Variants in ANKRD52 observed in about 807,000 individuals in gnomAD.
The protein encoded by ANKRD52 is serine/threonine-protein phosphatase 6 regulatory ankyrin repeat subunit C.
A neutral mutation model predicts 116.0 loss-of-function variants in ANKRD52; 7 were observed. That is an observed-to-expected ratio of 0.06 (90% CI 0.03 to 0.11). The LOEUF (loss-of-function observed/expected upper bound fraction) is 0.11. ANKRD52 is among the 10% of genes least tolerant of loss of function. The pLI is 1.00. For missense variants in ANKRD52, 839 were observed against 1,408.6 expected (o/e 0.60, Z 6.47); for synonymous variants, 528 against 578.1 (o/e 0.91, Z 1.24).
At chr12:56,256,208 G>T (rs906622970) in intron 4 of ANKRD52, among the ~76,000 whole-genome samples, 5 of 152,092 alleles carry the variant, frequency 3.3e-5, no homozygotes, top group Non-Finnish European at 7.4e-5. Flanking sequence ...AGGACCCTTT[G>T]CTCTTCTTCA....
Position 56,250,153 on chromosome 12 carries a change from C to T in ANKRD52, c.1593-1283G>A, listed in dbSNP as rs369079187. Among the ~76,000 whole-genome samples, 25 of 152,042 alleles carry T rather than the reference C, an allele frequency of 1.6e-4. No individual in the cohort carries two copies. The South Asian group carries it at 5.0e-3, about 30-fold the overall frequency. On this transcript the variant is annotated intron_variant, in intron 15 of 27. Coordinates refer to ENST00000267116, the MANE Select transcript of ANKRD52 (RefSeq NM_173595.4). Reference sequence around the variant, plus strand: ...TAGAGGTTGCAGTGAGCTGAGATCGCGCAACTGCACTAGAGCCTGGGTGAC... The same window carrying T: ...TAGAGGTTGCAGTGAGCTGAGATCGTGCAACTGCACTAGAGCCTGGGTGAC...
At chr12:56,247,103 G>T (rs1021911807) in intron 20 of ANKRD52, among the ~76,000 whole-genome samples, 1 of 151,342 alleles carries the variant, frequency 6.6e-6, no homozygotes, top group Non-Finnish European at 1.5e-5. Flanking sequence ...CCAGCACTTC[G>T]GGAGGCCAAG....
chr12:56,241,845 T>A lies in ANKRD52; in HGVS notation c.*1297A>T. On this transcript the variant is annotated 3_prime_UTR_variant, in exon 28 of 28. Transcript: ENST00000267116. ...CCTCTTCACTCCAGCCCAGTTTGGCTTTTGGGGTGCGACTTTAGAAATCTT... is the reference window on the plus strand; with the variant it reads ...CCTCTTCACTCCAGCCCAGTTTGGCATTTGGGGTGCGACTTTAGAAATCTT... The A allele has an allele frequency of 2.5e-6, 1 of 397,244 alleles. No individual in the cohort carries two copies. Among genetic ancestry groups the A allele is most frequent in the Non-Finnish European group, 4.4e-6 (1 of 225,750 alleles). 24.6% of individuals were successfully genotyped at this position (397,244 alleles called of 1,614,324 possible). A position where few individuals can be genotyped will look rare whatever the true frequency, so the allele number is the denominator to read the frequency against.
intron 1 of ANKRD52, 21 bp downstream of exon 1, chr12:56,258,222 G>A: frequency 6.3e-7 from 1 of 1,598,970 alleles, no homozygotes; most frequent in Non-Finnish European, 8.5e-7. Context: ...GGAGGAAGCG[G>A]GAAAGGGCAG....
At position 56,248,953 on chromosome 12, in the gene ANKRD52, C is replaced by A; in HGVS notation, c.1593-83G>T. The A allele has an allele frequency of 1.0e-6, 1 of 988,510 alleles. No individual in the cohort carries two copies. The highest frequency in any genetic ancestry group is 1.5e-6 in the Non-Finnish European group (1 of 678,708). The allele number at this position is 988,510 out of a possible 1,614,324, so 61.2% of individuals were successfully genotyped here. ...TTCTGGGAGGGCCAGAGGAGAGGAC[C>A]AAGGCCCTCCAGGCCTACCTGGCCG... On this transcript the variant is annotated intron_variant, in intron 15 of 27. Coordinates refer to ENST00000267116, the MANE Select transcript of ANKRD52 (RefSeq NM_173595.4). The surrounding 1 kb of genome is among the most constrained non-coding windows in gnomAD (Gnocchi z 5.1).
intron 2 of ANKRD52, among the ~76,000 whole-genome samples, chr12:56,257,562 C>T (rs1243333674): frequency 1.3e-5 from 2 of 152,090 alleles, no homozygotes; most frequent in Non-Finnish European, 2.9e-5. Flanking sequence ...GAAGCCGGCT[C>T]CTTTTTCCAG....
At chr12:56,251,279 C>T (rs985858226) in intron 15 of ANKRD52, among the ~76,000 whole-genome samples, 2 of 151,562 alleles carry the variant, frequency 1.3e-5, no homozygotes, top group African/African-American at 2.4e-5. Context: ...GAGTCTTGTT[C>T]GGTTGCCCAG....
intron 20 of ANKRD52, among the ~76,000 whole-genome samples, chr12:56,246,114 C>T (rs1189839329): frequency 6.6e-6 from 1 of 152,066 alleles, no homozygotes; most frequent in African/African-American, 2.4e-5. Context: ...ACTGCAACCT[C>T]TGCCTCCCAG....
chr12:56,251,921 T>G, intron 15 of ANKRD52, 94 bp downstream of exon 15: 2 of 1,357,464 alleles, frequency 1.5e-6, no homozygotes, highest in Non-Finnish European at 2.1e-6. Context: ...AGCAGCAGTA[T>G]AGGGTAGAGG....
In ANKRD52 at chr12:56,243,575, G is replaced by A. The variant is rs1167186329; in HGVS notation, c.2981-183C>T. Among the ~76,000 whole-genome samples the A allele has an allele frequency of 6.6e-6, 1 of 152,186 alleles. No homozygotes were observed. Among genetic ancestry groups the A allele is most frequent in the African/African-American group, 2.4e-5 (1 of 41,438 alleles). ...CAGATTCTCTAAGTACGGGTTAAAG[G>A]GCGGGCATGGGAGTCAAAGCCTAGG... On this transcript the variant is annotated intron_variant, in intron 27 of 27. Coordinates refer to ENST00000267116, the MANE Select transcript of ANKRD52 (RefSeq NM_173595.4). This position sits in a 1 kb window ranked among gnomAD's most constrained non-coding sequence, Gnocchi z 4.6.
chr12:56,245,761 C>A (rs942880131), intron 20 of ANKRD52, among the ~76,000 whole-genome samples, 165 bp from the exon 21 acceptor site: 1 of 142,774 alleles, frequency 7.0e-6, no homozygotes, highest in African/African-American at 2.6e-5. Context: ...GTCGCCCAGG[C>A]TGGAGTGCAG....
intron 2 of ANKRD52, 72 bp from the exon 3 acceptor site, chr12:56,257,433 T>C: frequency 3.8e-6 from 5 of 1,327,090 alleles, no homozygotes; most frequent in Non-Finnish European, 5.3e-6. Flanking sequence ...AGCCCAAGTC[T>C]CAGAGCTCCA....
Position 56,253,841 on chromosome 12 carries a change from C to T in ANKRD52, c.907-41G>A, listed in dbSNP as rs1283915626. On this transcript the variant is annotated intron_variant, in intron 8 of 27. Transcript: ENST00000267116. This position sits in a 1 kb window ranked among gnomAD's most constrained non-coding sequence, Gnocchi z 5.5. ...GGGTTTTTGTTTTTGTTTTTTTTTC[C>T]AGTGCAAAGCACAGAGAATGCCCTA... The T allele has an allele frequency of 1.9e-6, 3 of 1,590,134 alleles. No individual in the cohort carries two copies. Among genetic ancestry groups the T allele is most frequent in the East Asian group, 2.2e-5 (1 of 44,766 alleles).
chr12:56,237,993 G>C lies in ANKRD52; in HGVS notation c.*5149C>G. 5.7e-5 allele frequency: 16 copies of C among 280,650 alleles called. No homozygotes were observed. The highest frequency in any genetic ancestry group is 7.8e-5 in the Non-Finnish European group (12 of 152,924). The allele number at this position is 280,650 out of a possible 1,614,324, so 17.4% of individuals were successfully genotyped here. The stretch of plus-strand genomic sequence containing the variant: ...TCTGCGGGGAGAACATTGTGCTTTA[G>C]CCCAGGGAGGGGAGGGGTGGGGCAA... On this transcript the variant is annotated 3_prime_UTR_variant, in exon 28 of 28. Transcript: ENST00000267116.
chr12:56,244,028 A>G lies in ANKRD52; in HGVS notation c.2888+23T>C, dbSNP rs1871282609. ...CACCCACTGGCCTCCCCCAGCCAGG[A>G]GCCCCCTTCCCCAGGCACTCACATC... On this transcript the variant is annotated intron_variant, in intron 26 of 27. Coordinates refer to ENST00000267116, the MANE Select transcript of ANKRD52 (RefSeq NM_173595.4). The surrounding 1 kb of genome is among the most constrained non-coding windows in gnomAD (Gnocchi z 4.9). The G allele has an allele frequency of 1.9e-6, 3 of 1,612,914 alleles. No homozygotes were observed. The East Asian group carries it at 6.7e-5, about 36-fold the overall frequency.
Position 56,248,053 on chromosome 12 carries a change from T to C in ANKRD52, c.1948A>G (p.Lys650Glu). The C allele has an allele frequency of 6.2e-7, 1 of 1,608,696 alleles. No homozygotes were observed. Among genetic ancestry groups the C allele is most frequent in the South Asian group, 1.1e-5 (1 of 91,042 alleles). The change falls in exon 18 of 28, where the codon AAG (lysine) becomes GAG (glutamate). Residue 650 changes from lysine to glutamate, a missense_variant. This residue lies in a region of ANKRD52 where 552 missense variants were observed against 810.6 expected (regional missense o/e 0.68). Transcript: ENST00000267116. This position sits in a 1 kb window ranked among gnomAD's most constrained non-coding sequence, Gnocchi z 5.1. The part of the protein sequence containing the change: ...HGASALIKER[K>E]RKWTPLHAAA... ...GCGTGCAGGGGTGTCCACTTGCGCT[T>C]GCGCTCCTTGATGAGGGCAGAGGCG...
In ANKRD52 at chr12:56,244,790, G is replaced by T. The variant is rs748863721; in HGVS notation, c.2584C>A (p.Leu862Ile). ...TTGTCCGCGAAGGCAGCGGCGTGAA[G>T]GGGGGTCCTGTAAGGCAGGGATCAG... The part of the protein sequence containing the change: ...NSRDAKGRTP[L>I]HAAAFADNVS... Residue 862 changes from leucine to isoleucine, a missense_variant, in exon 24 of 28, where the codon CTT becomes ATT. Physicochemically the swap from Leu to Ile is conservative, Grantham distance 5. Around this residue, in one of 2 missense-constraint regions of ANKRD52, gnomAD observed 552 missense variants for 810.6 expected, o/e 0.68. Coordinates refer to ENST00000267116, the MANE Select transcript of ANKRD52 (RefSeq NM_173595.4). This position sits in a 1 kb window ranked among gnomAD's most constrained non-coding sequence, Gnocchi z 4.9. The T allele has an allele frequency of 1.7e-5, 27 of 1,613,620 alleles. No individual in the cohort carries two copies. Among genetic ancestry groups the T allele is most frequent in the Non-Finnish European group, 2.2e-5 (26 of 1,179,898 alleles).
chr12:56,246,366 T>A (rs887216838), intron 20 of ANKRD52, among the ~76,000 whole-genome samples: 3 of 151,850 alleles, frequency 2.0e-5, no homozygotes, highest in African/African-American at 7.3e-5. Context: ...GGGACCCACA[T>A]CTCCCTCCTT....
chr12:56,257,976 G>A (rs1478816252), intron 1 of ANKRD52, 65 bp from the exon 2 acceptor site: 1 of 1,488,046 alleles, frequency 6.7e-7, no homozygotes, highest in Non-Finnish European at 9.3e-7. Flanking sequence ...TGGGGGTGGG[G>A]GTGGGGGAGC....
Sources: allele counts gnomAD v4.1 joint callset (sites outside exome capture counted in the v4.1 genomes callset), GRCh38; gene constraint gnomAD v4.1.1; regional missense constraint gnomAD v4.1.1; non-coding constraint Gnocchi (gnomAD v3.1); transcripts MANE v1.5; gene names NCBI Gene and HGNC (gene_info 2026-07-23, HGNC 2026-07-21).